JPH2: variants seen among roughly 807,000 people sequenced by gnomAD.
The protein encoded by JPH2 is junctophilin 2.
JPH2 carries 38 observed loss-of-function variants against 55.9 expected under a neutral mutation model. The ratio of observed to expected loss-of-function variants is 0.68; its 90% CI spans 0.52 to 0.89. The LOEUF is 0.89. Ranked by LOEUF, JPH2 falls within the 40% of genes least tolerant of loss-of-function variation. The pLI is 0.00. For missense variants in JPH2, 964 were observed against 1,037.6 expected, an observed-to-expected ratio of 0.93 and a Z score of 0.97; for synonymous variants, 480 against 472.4, an observed-to-expected ratio of 1.02 and a Z score of -0.21.
chr20:44,116,832 G>C (rs2072196799), intron 3 of JPH2, among the ~76,000 whole-genome samples: 1 of 152,240 alleles, frequency 6.6e-6, no homozygotes, highest in Non-Finnish European at 1.5e-5. Flanking sequence ...CCCCGCACCG[G>C]CATAGACCAG....
At chr20:44,150,494 G>A (rs1310064938) in intron 2 of JPH2, among the ~76,000 whole-genome samples, 4 of 152,106 alleles carry the variant, frequency 2.6e-5, no homozygotes, top group South Asian at 2.1e-4. Context: ...AAATCCCAGC[G>A]GCCTTTTTTT....
intron 2 of JPH2, among the ~76,000 whole-genome samples, chr20:44,155,984 C>T (rs1390535611): frequency 6.7e-6 from 1 of 149,216 alleles, no homozygotes; most frequent in African/African-American, 2.5e-5. Flanking sequence ...TGCAGTGAGC[C>T]AAGATGGCAC....
At chr20:44,118,738 T>G (rs1600830996) in intron 2 of JPH2, 115 bp from the exon 3 acceptor site, 5 of 828,652 alleles carry the variant, frequency 6.0e-6, no homozygotes, top group Middle Eastern at 2.6e-4. Flanking sequence ...ACGCAGGCAG[T>G]CAATGAATAT....
At chr20:44,177,079 G>A (rs1055689) in intron 1 of JPH2, 292,271 of 985,190 alleles carry the variant, frequency 0.3, 44,226 homozygotes, top group Non-Finnish European at 0.31. Context: ...GCACAGATCT[G>A]TGCCAGGCAA....
chr20:44,126,007 A>T (rs6103635), intron 2 of JPH2, among the ~76,000 whole-genome samples: 104,913 of 150,950 alleles, frequency 0.7, 36,557 homozygotes, highest in Admixed American at 0.77. Context: ...TGGCTAATGG[A>T]CCCCGCTACT....
intron 3 of JPH2, among the ~76,000 whole-genome samples, chr20:44,118,031 CAG>C (rs1231392168): frequency 5.3e-5 from 8 of 152,316 alleles, no homozygotes; most frequent in Admixed American, 3.3e-4. Context: ...TGAATGAATG[CAG>C]AGTCTGTTTA....
intron 1 of JPH2, among the ~76,000 whole-genome samples, chr20:44,169,383 T>A (rs1250817633): frequency 6.6e-6 from 1 of 152,132 alleles, no homozygotes; most frequent in Non-Finnish European, 1.5e-5. Context: ...TTTCACTGTA[T>A]TGGCCAGGCT....
intron 3 of JPH2, 112 bp from the exon 4 acceptor site, chr20:44,116,498 A>G (rs1482512285): frequency 8.0e-7 from 1 of 1,251,718 alleles, no homozygotes; most frequent in East Asian, 2.6e-5. Flanking sequence ...CGGCACTCAC[A>G]TAGCACTGAC....
chr20:44,153,884 C>G (rs1489838181), intron 2 of JPH2, among the ~76,000 whole-genome samples: 1 of 152,228 alleles, frequency 6.6e-6, no homozygotes, highest in Non-Finnish European at 1.5e-5. Context: ...AAGCCTTACT[C>G]TTAACACTCA....
At position 44,160,444 on chromosome 20, in the gene JPH2, G is replaced by A. The variant is rs759012012; in HGVS notation, c.380-37C>T. The A allele has an allele frequency of 3.8e-5, 61 of 1,597,534 alleles. No homozygotes were observed. Among genetic ancestry groups the A allele is most frequent in the Non-Finnish European group, 8.5e-6 (10 of 1,173,396 alleles). ...GAGAGGGCGCGTCAGTAGGCGGCACGACGGGTCCCCGCGTGTGCACGGTGG... is the reference window on the plus strand; with the variant it reads ...GAGAGGGCGCGTCAGTAGGCGGCACAACGGGTCCCCGCGTGTGCACGGTGG... On this transcript the variant is annotated intron_variant, in intron 1 of 5. Coordinates refer to ENST00000372980, the MANE Select transcript of JPH2 (RefSeq NM_020433.5). The surrounding 1 kb of genome is among the most constrained non-coding windows in gnomAD (Gnocchi z 4.9).
intron 2 of JPH2, among the ~76,000 whole-genome samples, chr20:44,125,444 G>C (rs1035448948): frequency 1.3e-5 from 2 of 152,222 alleles, no homozygotes; most frequent in Non-Finnish European, 2.9e-5. Flanking sequence ...TATGGCCTCA[G>C]AGAGCTGGAG....
chr20:44,139,696 C>A (rs1349829137), intron 2 of JPH2, among the ~76,000 whole-genome samples: 3 of 152,088 alleles, frequency 2.0e-5, no homozygotes, highest in African/African-American at 7.3e-5. Context: ...ATAGGCCAAA[C>A]CTGGTCAAAT....
intron 1 of JPH2, among the ~76,000 whole-genome samples, chr20:44,179,826 G>A (rs1038449465): frequency 2.0e-5 from 3 of 152,114 alleles, no homozygotes; most frequent in Non-Finnish European, 4.4e-5. Flanking sequence ...TTAGCTGGAC[G>A]ACCTTGAGTG....
Position 44,115,703 on chromosome 20 carries a change from C to A in JPH2, c.1972G>T (p.Ala658Ser). 1 of 1,613,386 alleles carries A rather than the reference C, an allele frequency of 6.2e-7. No homozygotes were observed. Among genetic ancestry groups the A allele is most frequent in the Non-Finnish European group, 8.5e-7 (1 of 1,180,014 alleles). ...ACCTCCGCCTCTGCCGCCAGTGCGGCCTCCTTCCGCGCCTTCTTCTTGGCC... is the reference window on the plus strand; with the variant it reads ...ACCTCCGCCTCTGCCGCCAGTGCGGACTCCTTCCGCGCCTTCTTCTTGGCC... ...AGAKKKARKE[A>S]ALAAEAEVEV... The change falls in exon 4 of 6, where the codon GCC (alanine) becomes TCC (serine). Residue 658 changes from alanine (A) to serine (S), a missense_variant. Transcript: ENST00000372980.
intron 2 of JPH2, among the ~76,000 whole-genome samples, chr20:44,120,964 A>G (rs1306327852): frequency 6.6e-6 from 1 of 152,228 alleles, no homozygotes; most frequent in Non-Finnish European, 1.5e-5. Context: ...CTACTGTCAG[A>G]TGAGGGAGCT....
In JPH2 at chr20:44,115,884, C is replaced by T; in HGVS notation, c.1791G>A (p.Ser597=). 3 of 1,580,880 alleles carry T rather than the reference C, an allele frequency of 1.9e-6. No individual in the cohort carries two copies. Among genetic ancestry groups the T allele is most frequent in the Non-Finnish European group, 2.6e-6 (3 of 1,169,728 alleles). The change falls in exon 4 of 6, where the codon TCG becomes TCA. Residue 597 remains serine (S), a synonymous_variant. Transcript: ENST00000372980. ...PEVSGSESAP[S]SPATAPLQAP... ...CCTGCAGCGGGGCGGTGGCCGGGGA[C>T]GAGGGCGCGGACTCGGACCCGGAGA... is the stretch of plus-strand genomic sequence containing the variant.
chr20:44,116,850 A>T (rs911708214), intron 3 of JPH2, among the ~76,000 whole-genome samples: 2 of 152,176 alleles, frequency 1.3e-5, no homozygotes, highest in African/African-American at 4.8e-5. Context: ...CAGCAGGGGG[A>T]GCGCTGTGAC....
At position 44,109,130 on chromosome 20, in the gene JPH2, C is replaced by A. The variant is rs2072125143; in HGVS notation, c.*4388G>T. 6.6e-6 allele frequency among the ~76,000 whole-genome samples: 1 copy of A among 152,178 alleles called. No homozygotes were observed. The highest frequency in any genetic ancestry group is 2.1e-4 in the South Asian group (1 of 4,822). On this transcript the variant is annotated 3_prime_UTR_variant, in exon 6 of 6. Transcript: ENST00000372980. ...GAAGCTCACTCTTTCATGGTGGGAG[C>A]AGTGTGGTTCTGTAAAAGAGCACAG... is the stretch of plus-strand genomic sequence containing the variant.
chr20:44,181,027 G>A (rs1169567519), intron 1 of JPH2, among the ~76,000 whole-genome samples: 1 of 152,016 alleles, frequency 6.6e-6, no homozygotes, highest in Non-Finnish European at 1.5e-5. Context: ...TATGGCCAGG[G>A]GAGGAATGAG....
Sources: allele counts gnomAD v4.1 joint callset (sites outside exome capture counted in the v4.1 genomes callset), GRCh38; gene constraint gnomAD v4.1.1; non-coding constraint Gnocchi (gnomAD v3.1); transcripts MANE v1.5; gene names NCBI Gene and HGNC (gene_info 2026-07-23, HGNC 2026-07-21).